Variants in GRIA1 observed in about 807,000 individuals in gnomAD.
GRIA1 encodes glutamate receptor 1.
A neutral mutation model predicts 99.2 loss-of-function variants in GRIA1; 31 were observed. The ratio of observed to expected loss-of-function variants is 0.31; its 90% CI spans 0.23 to 0.42. GRIA1 has a LOEUF of 0.42. Among genes scored for constraint, GRIA1 ranks in the 10% least tolerant of loss-of-function variants. The probability of loss-of-function intolerance (pLI) is 1.00; values close to 1 mark genes in which losing one functional copy is unlikely to be tolerated. For synonymous variants in GRIA1, 438 were observed against 432.4 expected (o/e 1.01, Z -0.16); for missense variants, 782 against 1,157.5 (o/e 0.68, Z 4.71).
chr5:153,796,780 GC>G (rs1005857552), intron 14 of GRIA1, among the ~76,000 whole-genome samples: 1 of 144,088 alleles, frequency 6.9e-6, no homozygotes, highest in Admixed American at 7.1e-5. Context: ...TAGATATCCT[GC>G]CCCCACCCCC....
At chr5:153,806,771 C>A (rs1347235437) in intron 15 of GRIA1, among the ~76,000 whole-genome samples, 1 of 152,160 alleles carries the variant, frequency 6.6e-6, no homozygotes, top group Non-Finnish European at 1.5e-5. Flanking sequence ...CTTTTATGTT[C>A]AAAGTGATTT....
At chr5:153,499,748 C>T (rs900303764) in intron 2 of GRIA1, among the ~76,000 whole-genome samples, 3 of 151,566 alleles carry the variant, frequency 2.0e-5, no homozygotes, top group African/African-American at 4.9e-5. Context: ...TCTTCCAAGG[C>T]AGAAGCTATG....
At chr5:153,657,726 T>C (rs1317022915) in intron 5 of GRIA1, among the ~76,000 whole-genome samples, 2 of 152,210 alleles carry the variant, frequency 1.3e-5, no homozygotes, top group Non-Finnish European at 2.9e-5. Context: ...TTTCCCCTTC[T>C]TCAACTAACT....
intron 2 of GRIA1, among the ~76,000 whole-genome samples, chr5:153,606,695 A>T (rs1333942756): frequency 6.6e-6 from 1 of 151,934 alleles, no homozygotes; most frequent in African/African-American, 2.4e-5. Flanking sequence ...TGGCGCTGGT[A>T]AATGGAAATA....
intron 2 of GRIA1, among the ~76,000 whole-genome samples, chr5:153,574,118 C>T (rs551694831): frequency 2.0e-5 from 3 of 152,274 alleles, no homozygotes; most frequent in South Asian, 4.1e-4. Context: ...ACTTCAATTT[C>T]AGCACTGTTA....
chr5:153,591,730 G>T (rs986160631), intron 2 of GRIA1, among the ~76,000 whole-genome samples: 2 of 152,188 alleles, frequency 1.3e-5, no homozygotes, highest in Non-Finnish European at 2.9e-5. Context: ...AAGAAGCAAG[G>T]AAGGCATTTA....
At chr5:153,786,823 G>A (rs1457102841) in intron 13 of GRIA1, among the ~76,000 whole-genome samples, 1 of 152,194 alleles carries the variant, frequency 6.6e-6, no homozygotes, top group African/African-American at 2.4e-5. Flanking sequence ...AGAACAGCAA[G>A]AAGCAAGCAC....
At chr5:153,639,281 A>G (rs768932248) in intron 2 of GRIA1, among the ~76,000 whole-genome samples, 50 of 152,212 alleles carry the variant, frequency 3.3e-4, no homozygotes, top group Non-Finnish European at 5.9e-4. Context: ...CATGCCACAC[A>G]TGAAGTGCCG....
At chr5:153,798,291 G>A (rs1483248246) in intron 14 of GRIA1, among the ~76,000 whole-genome samples, 3 of 152,140 alleles carry the variant, frequency 2.0e-5, no homozygotes, top group Admixed American at 6.5e-5. Context: ...GTAGTCAACT[G>A]CTCAGGGAAA....
intron 2 of GRIA1, among the ~76,000 whole-genome samples, chr5:153,597,256 C>T (rs1376444831): frequency 6.6e-6 from 1 of 152,208 alleles, no homozygotes; most frequent in Non-Finnish European, 1.5e-5. Context: ...TTAGTACGTT[C>T]AGGGACTACC....
intron 2 of GRIA1, among the ~76,000 whole-genome samples, chr5:153,621,723 G>A (rs984134943): frequency 2.0e-5 from 3 of 152,038 alleles, no homozygotes; most frequent in African/African-American, 4.8e-5. Flanking sequence ...ATGGATGAAG[G>A]CACTTTGGCA....
intron 2 of GRIA1, among the ~76,000 whole-genome samples, chr5:153,508,323 A>C (rs1755733060): frequency 6.6e-6 from 1 of 152,236 alleles, no homozygotes. Context: ...AAATGTAGTG[A>C]GCATGACTGA....
intron 2 of GRIA1, among the ~76,000 whole-genome samples, chr5:153,542,811 C>A (rs532375173): frequency 6.6e-6 from 1 of 152,268 alleles, no homozygotes; most frequent in African/African-American, 2.4e-5. Flanking sequence ...CTATGTCCTT[C>A]CATAGTGCCT....
rs34171571 is a variant in GRIA1 at position 153,775,753 on chromosome 5, C to CAAA, written c.2270+5351_2270+5353dup. 3.0e-3 allele frequency among the ~76,000 whole-genome samples: 361 copies of CAAA among 118,516 alleles called. 1 individual carries two copies. The highest frequency in any genetic ancestry group is 0.011 in the African/African-American group (333 of 31,132). The allele number at this position is 118,516 out of a possible 152,430, so 77.8% of individuals were successfully genotyped here. On this transcript the variant is annotated intron_variant, in intron 13 of 15. Coordinates refer to ENST00000285900, the MANE Select transcript of GRIA1 (RefSeq NM_000827.4). ...ATGCCATAAGAGAGCCAGAAACACT[C>CAAA]AAAAAAAAAAAAAAAGGAGGAGAGT...
intron 2 of GRIA1, chr5:153,494,399 C>A (rs72800723): frequency 0.04 from 9,864 of 248,718 alleles, 256 homozygotes; most frequent in Middle Eastern, 0.089. Context: ...TTCTGAGAGG[C>A]ATAGAATTAA....
intron 14 of GRIA1, among the ~76,000 whole-genome samples, chr5:153,796,517 G>A (rs1465835986): frequency 6.6e-6 from 1 of 152,152 alleles, no homozygotes; most frequent in Non-Finnish European, 1.5e-5. Flanking sequence ...TAAAAAGCGA[G>A]AGGAGCAAGT....
intron 13 of GRIA1, among the ~76,000 whole-genome samples, chr5:153,784,071 A>T (rs1764810601): frequency 6.6e-6 from 1 of 152,144 alleles, no homozygotes; most frequent in Non-Finnish European, 1.5e-5. Context: ...GCACTTTCCC[A>T]TCTGTCACCT....
chr5:153,722,636 A>G (rs1020338984), intron 11 of GRIA1, among the ~76,000 whole-genome samples: 6 of 152,130 alleles, frequency 3.9e-5, no homozygotes, highest in African/African-American at 1.4e-4. Flanking sequence ...CTGTGTCTGG[A>G]TTCTTGATTC....
chr5:153,690,609 T>TTTAA (rs1561771281), intron 8 of GRIA1, among the ~76,000 whole-genome samples: 1 of 152,228 alleles, frequency 6.6e-6, no homozygotes, highest in Non-Finnish European at 1.5e-5. Context: ...CTCCCTTCTA[T>TTTAA]AGGCCACAGG....
Sources: gnomAD v4.1 joint callset for allele counts (sites outside exome capture counted in the v4.1 genomes callset) on GRCh38, gnomAD v4.1.1 for gene constraint, MANE v1.5 for transcripts, NCBI Gene and HGNC (gene_info 2026-07-23, HGNC 2026-07-21) for gene names.